Variants in LASP1 observed in about 807,000 individuals in gnomAD.
The protein encoded by LASP1 is LIM and SH3 protein 1.
In LASP1, 10 loss-of-function variants were observed where a neutral mutation model predicts 38.6. The ratio of observed to expected loss-of-function variants is 0.26; its 90% CI spans 0.16 to 0.44. The LOEUF is 0.44. Among genes scored for constraint, LASP1 ranks in the 20% least tolerant of loss-of-function variants. The probability of loss-of-function intolerance (pLI) is 1.00; values close to 1 mark genes in which losing one functional copy is unlikely to be tolerated. For synonymous variants in LASP1, 132 were observed against 140.8 expected (o/e 0.94, Z 0.44); for missense variants, 243 against 375.7 (o/e 0.65, Z 2.92).
intron 3 of LASP1, among the ~76,000 whole-genome samples, chr17:38,895,430 C>T (rs1914458587): frequency 6.6e-6 from 1 of 151,998 alleles, no homozygotes; most frequent in Non-Finnish European, 1.5e-5. Context: ...AAGGAATTCT[C>T]CTGCCTCAGC....
intron 3 of LASP1, among the ~76,000 whole-genome samples, chr17:38,893,013 G>A (rs1914384201): frequency 6.6e-6 from 1 of 152,210 alleles, no homozygotes; most frequent in African/African-American, 2.4e-5. Flanking sequence ...GTGTGTGTGT[G>A]TGCAAGCATG....
intron 4 of LASP1, among the ~76,000 whole-genome samples, chr17:38,908,740 G>A (rs1186878656): frequency 2.6e-5 from 4 of 152,216 alleles, no homozygotes; most frequent in Non-Finnish European, 5.9e-5. Flanking sequence ...CCCCCAGCCC[G>A]GGCTGCAGGA....
At chr17:38,900,380 C>CAAAAAAAAAAAAAAAAA (rs55996334) in intron 4 of LASP1, among the ~76,000 whole-genome samples, 2 of 113,558 alleles carry the variant, frequency 1.8e-5, no homozygotes, top group Non-Finnish European at 1.8e-5. Context: ...ACCCTGTTTC[C>CAAAAAAAAAAAAAAAAA]AAAAAAAAAA....
At chr17:38,890,766 ACCT>A (rs1320124321) in intron 3 of LASP1, among the ~76,000 whole-genome samples, 24 of 151,522 alleles carry the variant, frequency 1.6e-4, no homozygotes, top group Admixed American at 1.1e-3. Context: ...CCTAAAGCCT[ACCT>A]CCTCCAGGAA....
intron 1 of LASP1, among the ~76,000 whole-genome samples, chr17:38,876,332 C>T (rs1221897982): frequency 1.3e-5 from 2 of 150,690 alleles, no homozygotes; most frequent in African/African-American, 4.9e-5. Context: ...GCATGCGCCA[C>T]CATACCCGGC....
chr17:38,884,427 G>C (rs1421561707), intron 2 of LASP1, among the ~76,000 whole-genome samples: 2 of 141,188 alleles, frequency 1.4e-5, no homozygotes, highest in East Asian at 4.1e-4. Flanking sequence ...CGCTCTTGTT[G>C]CCCAGGCTGG....
At chr17:38,915,215 C>A in intron 6 of LASP1, 69 bp downstream of exon 6, 1 of 1,263,848 alleles carries the variant, frequency 7.9e-7, no homozygotes, top group Non-Finnish European at 1.1e-6. Flanking sequence ...GGACACAGCT[C>A]ATGGATTCTC....
Position 38,890,468 on chromosome 17 carries a change from C to T in LASP1, c.213C>T (p.Asn71=). ...SFTMVADTPE[N]LRLKQQSELQ... ...CCATGGTGGCGGACACCCCGGAAAA[C>T]CTTCGCCTCAAGCAACAGAGTGAGC... The change falls in exon 3 of 7, where the codon AAC becomes AAT. Residue 71 remains asparagine, a synonymous_variant. Transcript: ENST00000318008. 1 of 1,614,058 alleles carries T rather than the reference C, an allele frequency of 6.2e-7. No individual in the cohort carries two copies. The highest frequency in any genetic ancestry group is 1.1e-5 in the South Asian group (1 of 91,084).
At chr17:38,893,840 C>T (rs1210348075) in intron 3 of LASP1, among the ~76,000 whole-genome samples, 2 of 152,206 alleles carry the variant, frequency 1.3e-5, no homozygotes, top group African/African-American at 4.8e-5. Flanking sequence ...AGAGAGCTGC[C>T]TGCGGCTAGC....
chr17:38,892,356 C>G (rs939484203), intron 3 of LASP1, among the ~76,000 whole-genome samples: 1 of 152,180 alleles, frequency 6.6e-6, no homozygotes, highest in Admixed American at 6.5e-5. Flanking sequence ...ACCCACCCAC[C>G]TGCGGCACAG....
rs1173999535 is a variant in LASP1, at chr17:38,920,056, C to T, written c.*1278C>T. The T allele has an allele frequency of 2.4e-5, 13 of 536,664 alleles. No individual in the cohort carries two copies. The highest frequency in any genetic ancestry group is 4.3e-5 in the Non-Finnish European group (12 of 276,736). 33.2% of individuals were successfully genotyped at this position (536,664 alleles called of 1,614,324 possible). On this transcript the variant is annotated 3_prime_UTR_variant, in exon 7 of 7. Coordinates refer to ENST00000318008, the MANE Select transcript of LASP1 (RefSeq NM_006148.4). ...TTAGGTTTTCTTTGGAATGAAATTC[C>T]TCCTTCCCCCCATCTCTGAGTGGAG...
chr17:38,916,590 G>A (rs8066394), intron 6 of LASP1: 45,793 of 150,096 alleles, frequency 0.31, 7,082 homozygotes, highest in African/African-American at 0.38. Context: ...GGCCGGGTGC[G>A]ATGGCTCACA....
chr17:38,879,765 G>A lies in LASP1; in HGVS notation c.164+1585G>A, dbSNP rs758063960. 7.2e-5 allele frequency among the ~76,000 whole-genome samples: 11 copies of A among 151,900 alleles called. No homozygotes were observed. In the South Asian group the frequency reaches 1.0e-3, roughly 14 times the overall value. On this transcript the variant is annotated intron_variant, in intron 2 of 6. Transcript: ENST00000318008. ...CACTCTTTCATCTTTTTAGGGGCTC[G>A]CTCATTCAGCAGACATTTATTGCCT... is the stretch of plus-strand genomic sequence containing the variant.
At position 38,898,590 on chromosome 17, in the gene LASP1, A is replaced by C. The variant is rs1914554470; in HGVS notation, c.357+71A>C. The C allele has an allele frequency of 2.6e-6, 3 of 1,171,464 alleles. No individual in the cohort carries two copies. In the South Asian group the frequency reaches 3.9e-5, roughly 15 times the overall value. 72.6% of individuals were successfully genotyped at this position (1,171,464 alleles called of 1,614,324 possible). Reference sequence around the variant, plus strand: ...GGTCCCCTTCCTGCCAGCCTGGCAGACGCAAGCCTGGCAGATGTGAATGAG... The same window carrying C: ...GGTCCCCTTCCTGCCAGCCTGGCAGCCGCAAGCCTGGCAGATGTGAATGAG... On this transcript the variant is annotated intron_variant, in intron 4 of 6. Transcript: ENST00000318008.
At chr17:38,913,396 A>G (rs1915011083) in intron 4 of LASP1, among the ~76,000 whole-genome samples, 1 of 152,174 alleles carries the variant, frequency 6.6e-6, no homozygotes, top group Non-Finnish European at 1.5e-5. Context: ...TTCTCAGCGG[A>G]GCATCCTAGG....
In LASP1 at chr17:38,918,595, TC is replaced by T; in HGVS notation, c.613-5del. The T allele has an allele frequency of 6.3e-7, 1 of 1,577,474 alleles. No individual in the cohort carries two copies. The highest frequency in any genetic ancestry group is 2.3e-5 in the East Asian group (1 of 44,198). On this transcript the variant is annotated splice_polypyrimidine_tract_variant and intron_variant, in intron 6 of 6. Transcript: ENST00000318008. This position sits in a 1 kb window ranked among gnomAD's most constrained non-coding sequence, Gnocchi z 4.4. ...TGCAGGGCCCTAGGCTGACCACACT[TC>T]CCCCACAGAAGCGGTACCGCGCGGT...
chr17:38,892,598 CAG>C lies in LASP1; in HGVS notation c.249+2095_249+2096del, dbSNP rs914431699. ...CACACACACACACACACACCCTTCTCAGGGGAGAAATTCAAACCCCTCAGCCT... is the reference window on the plus strand; with the variant it reads ...CACACACACACACACACACCCTTCTCGGGAGAAATTCAAACCCCTCAGCCT... On this transcript the variant is annotated intron_variant, in intron 3 of 6. Coordinates refer to ENST00000318008, the MANE Select transcript of LASP1 (RefSeq NM_006148.4). 5.7e-4 allele frequency among the ~76,000 whole-genome samples: 85 copies of C among 149,282 alleles called. 1 individual carries two copies. The highest frequency in any genetic ancestry group is 1.9e-3 in the African/African-American group (78 of 40,050).
In LASP1 at chr17:38,918,929, C is replaced by G. The variant is rs183304271; in HGVS notation, c.*151C>G. On this transcript the variant is annotated 3_prime_UTR_variant, in exon 7 of 7. Transcript: ENST00000318008. The surrounding 1 kb of genome is among the most constrained non-coding windows in gnomAD (Gnocchi z 4.4). ...TTCCAGCTTCTTTTGCCAACTGAAG[C>G]CTTCTTCTGCCACTTCTGCGGGCTC... 3.6e-5 allele frequency: 30 copies of G among 835,156 alleles called. No individual in the cohort carries two copies. In the Admixed American group the frequency reaches 4.5e-4, roughly 13 times the overall value. 51.7% of individuals were successfully genotyped at this position (835,156 alleles called of 1,614,324 possible). A position where few individuals can be genotyped will look rare whatever the true frequency, so the allele number is the denominator to read the frequency against.
At chr17:38,886,088 CTCTCTCTCACTCAT>C (rs1398459151) in intron 2 of LASP1, among the ~76,000 whole-genome samples, 3 of 152,134 alleles carry the variant, frequency 2.0e-5, no homozygotes, top group Admixed American at 6.6e-5. Context: ...AGACCTCTCT[CTCTCTCTCACTCAT>C]TCTCTCTCAC....
Sources: gnomAD v4.1 joint callset for allele counts (sites outside exome capture counted in the v4.1 genomes callset) on GRCh38, gnomAD v4.1.1 for gene constraint, Gnocchi (gnomAD v3.1) non-coding constraint, MANE v1.5 for transcripts, NCBI Gene and HGNC (gene_info 2026-07-23, HGNC 2026-07-21) for gene names.